Variants in MIER3 observed in about 807,000 individuals in gnomAD.
MIER3 encodes MIER family member 3, also known as mesoderm induction early response protein 3.
MIER3 carries 9 observed loss-of-function variants against 63.2 expected under a neutral mutation model. The ratio of observed to expected loss-of-function variants is 0.14; its 90% CI spans 0.09 to 0.25. The LOEUF is 0.25. Ranked by LOEUF, MIER3 falls within the 10% of genes least tolerant of loss-of-function variation. MIER3 has a pLI of 1.00. For missense variants in MIER3, 512 were observed against 666.2 expected, an observed-to-expected ratio of 0.77 and a Z score of 2.55; for synonymous variants, 205 against 224.9, an observed-to-expected ratio of 0.91 and a Z score of 0.79.
chr5:56,935,504 C>T lies in MIER3; in HGVS notation c.523-4G>A. ...ATTGTAAACCAATCATTATTTCCTA[C>T]AGGAAAATTGAGAGGTAAAAATAAC... On this transcript the variant is annotated splice_region_variant and splice_polypyrimidine_tract_variant and intron_variant, in intron 6 of 12. Coordinates refer to ENST00000381199, the MANE Select transcript of MIER3 (RefSeq NM_001297599.2). 6.3e-7 allele frequency: 1 copy of T among 1,583,396 alleles called. No homozygotes were observed. Among genetic ancestry groups the T allele is most frequent in the Non-Finnish European group, 8.6e-7 (1 of 1,169,552 alleles).
chr5:56,926,720 T>C (rs1386330032), intron 10 of MIER3, among the ~76,000 whole-genome samples: 2 of 152,156 alleles, frequency 1.3e-5, no homozygotes, highest in African/African-American at 4.8e-5. Flanking sequence ...TACTCCTTCG[T>C]ATTTGGACAA....
intron 3 of MIER3, among the ~76,000 whole-genome samples, chr5:56,942,539 G>A (rs1750681430): frequency 6.6e-6 from 1 of 152,304 alleles, no homozygotes; most frequent in African/African-American, 2.4e-5. Context: ...ACTTAAGGAT[G>A]GGATGGTAAC....
intron 7 of MIER3, among the ~76,000 whole-genome samples, chr5:56,934,847 A>G (rs1750385774): frequency 6.6e-6 from 1 of 152,176 alleles, no homozygotes; most frequent in Non-Finnish European, 1.5e-5. Context: ...TTCAACTAAG[A>G]AGGTTTACCT....
intron 2 of MIER3, 112 bp downstream of exon 2, chr5:56,950,516 C>T: frequency 2.6e-6 from 3 of 1,151,594 alleles, no homozygotes; most frequent in Non-Finnish European, 3.8e-6. Flanking sequence ...TCTTAAAAAT[C>T]AATGAAGAAA....
In MIER3 at chr5:56,937,690, T is replaced by C; in HGVS notation, c.324A>G (p.Ile108Met). ...CATCACCTGACAACAGGTCTTTTGC[T>C]ATTTCCTCCTGGAAGAATAAGAAGG... ...LPDMTLDKEE[I>M]AKDLLSGDDE... The change falls in exon 5 of 13, where the codon ATA becomes ATG. Residue 108 changes from isoleucine (I) to methionine (M), a missense_variant. Around this residue, in one of 5 missense-constraint regions of MIER3, gnomAD observed 44 missense variants for 87.6 expected, o/e 0.50. Coordinates refer to ENST00000381199, the MANE Select transcript of MIER3 (RefSeq NM_001297599.2). 1 of 1,606,378 alleles carries C rather than the reference T, an allele frequency of 6.2e-7. No individual in the cohort carries two copies. Among genetic ancestry groups the C allele is most frequent in the East Asian group, 2.2e-5 (1 of 44,528 alleles).
intron 5 of MIER3, 126 bp from the exon 6 acceptor site, chr5:56,935,877 A>T (rs1007437172): frequency 2.6e-5 from 18 of 681,614 alleles, no homozygotes; most frequent in Admixed American, 5.2e-5. Flanking sequence ...AACCACCTGC[A>T]TGTTTCTCAC....
chr5:56,950,355 G>A (rs1014677619), intron 2 of MIER3, among the ~76,000 whole-genome samples: 10 of 151,894 alleles, frequency 6.6e-5, no homozygotes, highest in Non-Finnish European at 1.3e-4. Flanking sequence ...AGGCTCGGAG[G>A]AAAAATAAGA....
At position 56,943,745 on chromosome 5, in the gene MIER3, A is replaced by G. The variant is rs181869679; in HGVS notation, c.180+3181T>C. 1.6e-4 allele frequency among the ~76,000 whole-genome samples: 25 copies of G among 152,346 alleles called. No individual in the cohort carries two copies. The East Asian group carries it at 4.4e-3, about 27-fold the overall frequency. ...AAGCACTTAAGTCCTTTAAAACATA[A>G]AAACAATTTTTTCAAAATTGAATTA... On this transcript the variant is annotated intron_variant, in intron 3 of 12. Transcript: ENST00000381199.
Position 56,950,630 on chromosome 5 carries a change from G to A in MIER3, c.32C>T (p.Pro11Leu), listed in dbSNP as rs756686913. 18 of 1,613,720 alleles carry A rather than the reference G, an allele frequency of 1.1e-5. No individual in the cohort carries two copies. Among genetic ancestry groups the A allele is most frequent in the Non-Finnish European group, 1.4e-5 (17 of 1,179,902 alleles). The change falls in exon 2 of 13, where the codon CCA becomes CTA. Residue 11 changes from proline to leucine, a missense_variant and splice_region_variant. By Grantham distance (98) the Pro-to-Leu change is moderately conservative. Around this residue, in one of 5 missense-constraint regions of MIER3, gnomAD observed 98 missense variants for 107.4 expected, o/e 0.91. Coordinates refer to ENST00000381199, the MANE Select transcript of MIER3 (RefSeq NM_001297599.2). The stretch of plus-strand genomic sequence containing the variant: ...AGACGTAAGAAAATAGGACAAACCT[G>A]GGCTCGAACTTCCAAAAGAAGCCTA... MAEASFGSSS[P>L]VGSLSSEDHD...
At chr5:56,951,764 C>G (rs1403432359) in intron 1 of MIER3, among the ~76,000 whole-genome samples, 2 of 151,598 alleles carry the variant, frequency 1.3e-5, no homozygotes, top group African/African-American at 4.8e-5. Context: ...GCCGGCGGCC[C>G]GCGTCAGCGA....
chr5:56,946,286 C>T (rs1037074828), intron 3 of MIER3, among the ~76,000 whole-genome samples: 2 of 152,162 alleles, frequency 1.3e-5, no homozygotes, highest in African/African-American at 4.8e-5. Context: ...ATAAATCCTA[C>T]ACGTTTTCAA....
rs762504154 is a variant in MIER3, at chr5:56,923,210, A to C, written c.1571T>G (p.Phe524Cys). 6.2e-7 allele frequency: 1 copy of C among 1,614,112 alleles called. No individual in the cohort carries two copies. The highest frequency in any genetic ancestry group is 8.5e-7 in the Non-Finnish European group (1 of 1,179,996). ...GGTCTCGTTGGCAGAGAGACTGCCA[A>C]AGTCAGCCACAGAAACAGCCATTTT... ...SAKMAVSVADFGSLSANETNG... is the reference protein window; with the variant it reads ...SAKMAVSVADCGSLSANETNG... Residue 524 changes from phenylalanine (F) to cysteine (C), a missense_variant, in exon 13 of 13, where the codon TTT (phenylalanine) becomes TGT (cysteine). Coordinates refer to ENST00000381199, the MANE Select transcript of MIER3 (RefSeq NM_001297599.2).
At chr5:56,938,008 T>G (rs1455351967) in intron 4 of MIER3, among the ~76,000 whole-genome samples, 1 of 152,164 alleles carries the variant, frequency 6.6e-6, no homozygotes, top group Non-Finnish European at 1.5e-5. Flanking sequence ...ACAGTCTGAC[T>G]TTTAAGTGGT....
intron 9 of MIER3, among the ~76,000 whole-genome samples, chr5:56,929,976 T>TAGGCTCTCAAAACTC (rs1750201136): frequency 2.0e-5 from 3 of 152,212 alleles, no homozygotes; most frequent in South Asian, 2.1e-4. Context: ...ATAATTTTTT[T>TAGGCTCTCAAAACTC]TCAAAGAAGC....
Position 56,923,550 on chromosome 5 carries a change from T to A in MIER3, c.1231A>T (p.Thr411Ser). 1 of 1,614,062 alleles carries A rather than the reference T, an allele frequency of 6.2e-7. No homozygotes were observed. The highest frequency in any genetic ancestry group is 8.5e-7 in the Non-Finnish European group (1 of 1,179,956). The part of the protein sequence containing the change: ...TNSVATVCDP[T>S]DVNCLDDSFP... ...CTATCATCCAAACAATTCACATCTGTGGGGTCGCAGACGGTTGCTACACTG... is the reference window on the plus strand; with the variant it reads ...CTATCATCCAAACAATTCACATCTGAGGGGTCGCAGACGGTTGCTACACTG... The change falls in exon 13 of 13, where the codon ACA becomes TCA. Residue 411 changes from threonine (T) to serine (S), a missense_variant. Transcript: ENST00000381199.
chr5:56,922,796 T>C lies in MIER3; in HGVS notation c.*332A>G, dbSNP rs957384542. On this transcript the variant is annotated 3_prime_UTR_variant, in exon 13 of 13. Transcript: ENST00000381199. ...TGGCCTCTGTCTACAGGTTTTAAAA[T>C]TGGGAGTGAGGGCAGTGGGGAACAC... is the stretch of plus-strand genomic sequence containing the variant. 12 of 268,894 alleles carry C rather than the reference T, an allele frequency of 4.5e-5. No homozygotes were observed. In the Admixed American group the frequency reaches 4.8e-4, roughly 11 times the overall value. The allele number at this position is 268,894 out of a possible 1,614,324, so 16.7% of individuals were successfully genotyped here.
In MIER3 at chr5:56,923,142, G is replaced by A; in HGVS notation, c.1639C>T (p.Leu547=). Residue 547 remains leucine (L), a synonymous_variant, in exon 13 of 13, where the codon CTA becomes TTA. Coordinates refer to ENST00000381199, the MANE Select transcript of MIER3 (RefSeq NM_001297599.2). ...CCTCACTCAGGTCACTCAGAGTGTAGGGCCGCGTGCTGATGCAGAGCATGG... is the reference window on the plus strand; with the variant it reads ...CCTCACTCAGGTCACTCAGAGTGTAAGGCCGCGTGCTGATGCAGAGCATGG... The part of the protein sequence containing the change: ...SAHALHQHAA[L]HSE The A allele has an allele frequency of 1.2e-6, 2 of 1,613,806 alleles. No homozygotes were observed. The highest frequency in any genetic ancestry group is 1.7e-6 in the Non-Finnish European group (2 of 1,179,816).
rs528607230 is a variant in MIER3, at chr5:56,921,972, A to T, written c.*1156T>A. Reference sequence around the variant, plus strand: ...AAAACTGAGTTTGAGATACATCTGAACATCTATCAATTTTTAAAACTTAAA... The same window carrying T: ...AAAACTGAGTTTGAGATACATCTGATCATCTATCAATTTTTAAAACTTAAA... On this transcript the variant is annotated 3_prime_UTR_variant, in exon 13 of 13. Transcript: ENST00000381199. 2 of 152,770 alleles carry T rather than the reference A, an allele frequency of 1.3e-5. No individual in the cohort carries two copies. 9.5% of individuals were successfully genotyped at this position (152,770 alleles called of 1,614,324 possible). A position where few individuals can be genotyped will look rare whatever the true frequency, so the allele number is the denominator to read the frequency against.
chr5:56,925,424 G>A, intron 10 of MIER3: 1 of 420,596 alleles, frequency 2.4e-6, no homozygotes, highest in Non-Finnish European at 4.7e-6. Context: ...CAGGAGACAA[G>A]GTTAATACAC....
Sources: allele counts gnomAD v4.1 joint callset (sites outside exome capture counted in the v4.1 genomes callset), GRCh38; gene constraint gnomAD v4.1.1; regional missense constraint gnomAD v4.1.1; transcripts MANE v1.5; gene names NCBI Gene and HGNC (gene_info 2026-07-23, HGNC 2026-07-21).